Variants in SIPA1L3 observed in about 807,000 individuals in gnomAD.
SIPA1L3 encodes signal induced proliferation associated 1 like 3, also known as signal-induced proliferation-associated 1-like protein 3.
A neutral mutation model predicts 150.1 loss-of-function variants in SIPA1L3; 59 were observed. That is an observed-to-expected ratio of 0.39 (90% CI 0.32 to 0.49). The LOEUF (loss-of-function observed/expected upper bound fraction) is 0.49, where lower values mean the gene tolerates loss of function less well. Ranked by LOEUF, SIPA1L3 falls within the 20% of genes least tolerant of loss-of-function variation. The pLI is 0.86. For synonymous variants in SIPA1L3, 1,070 were observed against 1,077.6 expected (o/e 0.99, Z 0.14); for missense variants, 2,211 against 2,489.5 (o/e 0.89, Z 2.38).
chr19:38,157,330 T>C (rs1336220600), intron 13 of SIPA1L3, among the ~76,000 whole-genome samples: 2 of 152,144 alleles, frequency 1.3e-5, no homozygotes, highest in Non-Finnish European at 2.9e-5. Flanking sequence ...TGTTTAGTCG[T>C]CTCAGGAACA....
intron 2 of SIPA1L3, among the ~76,000 whole-genome samples, chr19:38,068,020 A>ATTTT: frequency 7.4e-6 from 1 of 135,970 alleles, no homozygotes; most frequent in African/African-American, 2.7e-5. Flanking sequence ...GAAAAATCAG[A>ATTTT]TTTTTTTTTT....
At chr19:37,990,577 C>G (rs547690200) in intron 1 of SIPA1L3, among the ~76,000 whole-genome samples, 1 of 152,354 alleles carries the variant, frequency 6.6e-6, no homozygotes, top group Admixed American at 6.5e-5. Flanking sequence ...GAGTACAGCT[C>G]TTGCTCAGCT....
At chr19:38,196,249 G>A (rs568021706) in intron 18 of SIPA1L3, among the ~76,000 whole-genome samples, 7 of 152,322 alleles carry the variant, frequency 4.6e-5, no homozygotes, top group African/African-American at 1.2e-4. Flanking sequence ...AGCCACTCCC[G>A]TGGCTCCCAC....
intron 7 of SIPA1L3, 68 bp downstream of exon 7, chr19:38,106,708 C>T (rs1970631892): frequency 9.5e-7 from 1 of 1,051,122 alleles, no homozygotes; most frequent in South Asian, 1.3e-5. Context: ...TTGGCCCTCC[C>T]AGTTCTGTCC....
rs143186001 is a variant in SIPA1L3 at position 37,915,309 on chromosome 19, C to T, written c.-379+7951C>T. On this transcript the variant is annotated intron_variant, in intron 1 of 21. Coordinates refer to ENST00000222345, the MANE Select transcript of SIPA1L3 (RefSeq NM_015073.3). ...AAGTGTAGTGTCCAAGGAGAGGGAG[C>T]AGGGTGTCTCCTTTGGGTGAGCTTT... Among the ~76,000 whole-genome samples, 59 of 152,172 alleles carry T rather than the reference C, an allele frequency of 3.9e-4. No homozygotes were observed. The East Asian group carries it at 0.011, about 28-fold the overall frequency.
intron 1 of SIPA1L3, among the ~76,000 whole-genome samples, chr19:37,939,399 CAAAAAAAA>C (rs753230257): frequency 1.4e-5 from 1 of 69,216 alleles, no homozygotes; most frequent in African/African-American, 6.2e-5. Flanking sequence ...GACTCCATGT[CAAAAAAAA>C]AAAAAAAAAA....
At chr19:37,940,066 C>T (rs965720208) in intron 1 of SIPA1L3, among the ~76,000 whole-genome samples, 1 of 152,114 alleles carries the variant, frequency 6.6e-6, no homozygotes, top group Admixed American at 6.6e-5. Flanking sequence ...TTTAAAAGAG[C>T]AGCTAGATAG....
intron 1 of SIPA1L3, among the ~76,000 whole-genome samples, chr19:37,954,248 C>T (rs1335031863): frequency 6.6e-6 from 1 of 152,140 alleles, no homozygotes; most frequent in African/African-American, 2.4e-5. Flanking sequence ...ACTGCTTTGA[C>T]ATTCATGATC....
At chr19:37,947,487 TC>T (rs1322586184) in intron 1 of SIPA1L3, among the ~76,000 whole-genome samples, 1 of 138,698 alleles carries the variant, frequency 7.2e-6, no homozygotes, top group Non-Finnish European at 1.5e-5. Flanking sequence ...AGACTCCATA[TC>T]AAAAAAAAAA....
chr19:38,097,794 G>A (rs1970412181), intron 4 of SIPA1L3, among the ~76,000 whole-genome samples: 1 of 152,236 alleles, frequency 6.6e-6, no homozygotes, highest in South Asian at 2.1e-4. Flanking sequence ...CTGACCTCAG[G>A]TGATCTGCCC....
chr19:38,055,868 T>G (rs925911861), intron 2 of SIPA1L3, among the ~76,000 whole-genome samples: 1 of 152,216 alleles, frequency 6.6e-6, no homozygotes, highest in Non-Finnish European at 1.5e-5. Context: ...GACTTTGAAA[T>G]ACATCCCACC....
chr19:38,099,917 T>C, intron 4 of SIPA1L3, 45 bp from the exon 5 acceptor site: 1 of 1,471,046 alleles, frequency 6.8e-7, no homozygotes, highest in Non-Finnish European at 9.2e-7. Context: ...TATCCCTTTT[T>C]AGGTCTCGAG....
At chr19:38,085,912 C>A (rs925112762) in intron 3 of SIPA1L3, among the ~76,000 whole-genome samples, 1 of 152,066 alleles carries the variant, frequency 6.6e-6, no homozygotes, top group Admixed American at 6.5e-5. Flanking sequence ...CGGAGAATCG[C>A]TTGAAGCTGG....
intron 16 of SIPA1L3, among the ~76,000 whole-genome samples, chr19:38,188,145 A>G (rs1972728642): frequency 6.6e-6 from 1 of 151,592 alleles, no homozygotes; most frequent in Non-Finnish European, 1.5e-5. Flanking sequence ...TTCACTTCTA[A>G]CTCAATTATT....
chr19:38,112,160 C>T (rs1222920209), intron 8 of SIPA1L3, among the ~76,000 whole-genome samples: 3 of 150,612 alleles, frequency 2.0e-5, no homozygotes, highest in Non-Finnish European at 4.4e-5. Flanking sequence ...CACATGCATC[C>T]ACACACATGC....
Position 38,026,463 on chromosome 19 carries a change from C to T in SIPA1L3, c.-378-2626C>T, listed in dbSNP as rs900417599. ...GCCAGACTTGGATCATATGACCAGT[C>T]CCACCTCCACCCACAACCCATGGGT... On this transcript the variant is annotated intron_variant, in intron 1 of 21. Transcript: ENST00000222345. Among the ~76,000 whole-genome samples the T allele has an allele frequency of 5.3e-5, 8 of 152,200 alleles. No individual in the cohort carries two copies. In the South Asian group the frequency reaches 1.7e-3, roughly 32 times the overall value.
rs753442630 is a variant in SIPA1L3, at chr19:38,182,656, A to G, written c.4346A>G (p.Gln1449Arg). The change falls in exon 16 of 22, where the codon CAG becomes CGG. Residue 1449 changes from glutamine (Q) to arginine (R), a missense_variant. Physicochemically the swap from Gln to Arg is conservative, Grantham distance 43. Around this residue, in one of 5 missense-constraint regions of SIPA1L3, gnomAD observed 806 missense variants for 870.1 expected, o/e 0.93. Transcript: ENST00000222345. ...ASVPKSFFSK[Q>R]PVRNKHPTGW... Reference sequence around the variant, plus strand: ...GTCCCCAAGTCCTTCTTCTCCAAGCAGCCTGTACGCAATAAGCACCCAACA... The same window carrying G: ...GTCCCCAAGTCCTTCTTCTCCAAGCGGCCTGTACGCAATAAGCACCCAACA... The G allele has an allele frequency of 4.3e-6, 7 of 1,614,182 alleles. No individual in the cohort carries two copies. Among genetic ancestry groups the G allele is most frequent in the Non-Finnish European group, 4.2e-6 (5 of 1,180,022 alleles).
In SIPA1L3 at chr19:38,101,024, C is replaced by A. The variant is rs1334587899; in HGVS notation, c.1855-28C>A. 3 of 1,507,410 alleles carry A rather than the reference C, an allele frequency of 2.0e-6. No homozygotes were observed. In the East Asian group the frequency reaches 7.2e-5, roughly 36 times the overall value. The allele number at this position is 1,507,410 out of a possible 1,614,324, so 93.4% of individuals were successfully genotyped here. Reference sequence around the variant, plus strand: ...CCTCTGCCATCTCTGCCTGGCCTGCCTCCACAAAGCCACTCTTGCCTCTGC... The same window carrying A: ...CCTCTGCCATCTCTGCCTGGCCTGCATCCACAAAGCCACTCTTGCCTCTGC... On this transcript the variant is annotated intron_variant, in intron 5 of 21. Coordinates refer to ENST00000222345, the MANE Select transcript of SIPA1L3 (RefSeq NM_015073.3).
chr19:38,168,698 G>A (rs1376608361), intron 15 of SIPA1L3, among the ~76,000 whole-genome samples: 1 of 152,108 alleles, frequency 6.6e-6, no homozygotes, highest in Non-Finnish European at 1.5e-5. Context: ...ATGGGAGGGT[G>A]GGTATGAAAT....
Sources: gnomAD v4.1 joint callset for allele counts (sites outside exome capture counted in the v4.1 genomes callset) on GRCh38, gnomAD v4.1.1 for gene constraint, gnomAD v4.1.1 regional missense constraint, MANE v1.5 for transcripts, NCBI Gene and HGNC (gene_info 2026-07-23, HGNC 2026-07-21) for gene names.